The following TBL1X variants were observed in gnomAD, a reference collection of about 807,000 sequenced individuals.
TBL1X encodes transducin beta like 1 X-linked, also known as F-box-like/WD repeat-containing protein TBL1X.
Under a neutral mutation model 50.7 loss-of-function variants are expected in TBL1X, and 10 were observed. The observed-to-expected ratio is 0.20, with a 90% CI of 0.12 to 0.33. The LOEUF (loss-of-function observed/expected upper bound fraction) is 0.33, where lower values mean the gene tolerates loss of function less well. TBL1X is among the 10% of genes least tolerant of loss of function. The pLI is 1.00. For synonymous variants in TBL1X, 190 were observed against 214.7 expected (o/e 0.88, Z 1.01); for missense variants, 340 against 504.4 (o/e 0.67, Z 3.12).
At chrX:9,528,171 C>T (rs765457266) in intron 2 of TBL1X, among the ~76,000 whole-genome samples, 1 of 111,235 alleles carries the variant, frequency 9.0e-6, no homozygotes, top group Non-Finnish European at 1.9e-5. Context: ...GCCCCTGGCA[C>T]CCACCGTTCT....
chrX:9,507,364 C>G (rs1226514469), intron 2 of TBL1X, among the ~76,000 whole-genome samples: 1 of 111,173 alleles, frequency 9.0e-6, no homozygotes, highest in African/African-American at 3.3e-5. Flanking sequence ...GAATAAAATA[C>G]CTAGGAATAC....
At chrX:9,499,979 CAA>C (rs34239377) in intron 1 of TBL1X, among the ~76,000 whole-genome samples, 1 of 91,703 alleles carries the variant, frequency 1.1e-5, no homozygotes. Flanking sequence ...ATCCTGTCTC[CAA>C]AAAAAAAAAA....
chrX:9,495,304 G>A (rs1198151472), intron 1 of TBL1X, among the ~76,000 whole-genome samples: 1 of 111,499 alleles, frequency 9.0e-6, no homozygotes, highest in Non-Finnish European at 1.9e-5. Flanking sequence ...CGGAGGAGCA[G>A]GAGAAATGGT....
intron 3 of TBL1X, among the ~76,000 whole-genome samples, chrX:9,646,234 G>A (rs1199367407): frequency 3.6e-5 from 4 of 111,651 alleles, no homozygotes; most frequent in South Asian, 7.5e-4. Context: ...TTATTTCATC[G>A]TGCTGTCACT....
rs1319032144 is a variant in TBL1X, at chrX:9,719,430, A to G, written c.*3184A>G. ...TTCCGCCATTTAAAAAAAGAAAAAA[A>G]AAAAGCTTATGTTTCTTGTCAAATG... On this transcript the variant is annotated 3_prime_UTR_variant, in exon 18 of 18. Coordinates refer to ENST00000645353, the MANE Select transcript of TBL1X (RefSeq NM_005647.4). The G allele has an allele frequency of 8.9e-6, 1 of 112,135 alleles. No individual in the cohort carries two copies. Among genetic ancestry groups the G allele is most frequent in the African/African-American group, 3.3e-5 (1 of 30,726 alleles). The allele number at this position is 112,135 out of a possible 1,213,427, so 9.2% of individuals were successfully genotyped here.
chrX:9,556,207 AAAC>A (rs2082298242), intron 2 of TBL1X, among the ~76,000 whole-genome samples: 1 of 104,455 alleles, frequency 9.6e-6, no homozygotes, highest in Non-Finnish European at 2.0e-5. Context: ...AAACAAAACA[AAAC>A]AAAAAAAACA....
chrX:9,552,116 A>G (rs182637666), intron 2 of TBL1X, among the ~76,000 whole-genome samples: 21 of 112,273 alleles, frequency 1.9e-4, no homozygotes, highest in African/African-American at 5.5e-4. Context: ...CTTTGGGGCT[A>G]TAAGTCTCGT....
At chrX:9,707,110 G>T (rs1202886864) in intron 13 of TBL1X, among the ~76,000 whole-genome samples, 3 of 111,427 alleles carry the variant, frequency 2.7e-5, no homozygotes, top group African/African-American at 9.8e-5. Flanking sequence ...CTGTGGTGGG[G>T]CAGGGTGGGG....
intron 1 of TBL1X, among the ~76,000 whole-genome samples, chrX:9,482,995 G>A (rs903409815): frequency 9.0e-6 from 1 of 111,162 alleles, no homozygotes; most frequent in African/African-American, 3.3e-5. Flanking sequence ...GAACCCCTCA[G>A]GCGGTTACAG....
chrX:9,537,151 G>A (rs182090938), intron 2 of TBL1X, among the ~76,000 whole-genome samples: 65 of 111,284 alleles, frequency 5.8e-4, no homozygotes, highest in African/African-American at 1.8e-3. Context: ...GGCAGGGAGG[G>A]ATCCAAAGGG....
chrX:9,464,995 G>C (rs1257960850), upstream of TBL1X: 1 of 109,240 alleles, frequency 9.2e-6, no homozygotes, highest in Non-Finnish European at 1.9e-5. Flanking sequence ...CCCCTCCCAC[G>C]GCCGTGAGGG....
intron 5 of TBL1X, among the ~76,000 whole-genome samples, chrX:9,675,849 C>T (rs1346862848): frequency 9.4e-6 from 1 of 106,286 alleles, no homozygotes; most frequent in Non-Finnish European, 1.9e-5. Context: ...CGAGATCATG[C>T]CATTGCACTC....
intron 2 of TBL1X, among the ~76,000 whole-genome samples, chrX:9,513,360 T>TG (rs773119463): frequency 1.0e-4 from 11 of 109,936 alleles, no homozygotes; most frequent in African/African-American, 1.3e-4. Flanking sequence ...TGTACTCCAG[T>TG]GGGGGGGTGC....
intron 2 of TBL1X, among the ~76,000 whole-genome samples, chrX:9,596,810 C>A (rs1179808088): frequency 9.0e-6 from 1 of 111,156 alleles, no homozygotes; most frequent in Non-Finnish European, 1.9e-5. Flanking sequence ...TAGAAGCCAT[C>A]CCCCAACACG....
Position 9,631,218 on chromosome X carries a change from G to T in TBL1X, c.-130-9055G>T, listed in dbSNP as rs375747887. On this transcript the variant is annotated intron_variant, in intron 2 of 17. Transcript: ENST00000645353. ...AAACTCGTGTCATGGGGGGTTTGTT[G>T]TACAGATTATTTTGTCACCCCCAGT... Among the ~76,000 whole-genome samples, 9 of 111,205 alleles carry T rather than the reference G, an allele frequency of 8.1e-5. No individual in the cohort carries two copies. The South Asian group carries it at 3.4e-3, about 42-fold the overall frequency.
Position 9,666,475 on chromosome X carries a change from G to A in TBL1X, c.211+12153G>A, listed in dbSNP as rs771191689. Among the ~76,000 whole-genome samples, 10 of 111,595 alleles carry A rather than the reference G, an allele frequency of 9.0e-5. No homozygotes were observed. In the East Asian group the frequency reaches 2.8e-3, roughly 31 times the overall value. ...AAAAATAGAAACATTAATGCATTTA[G>A]GTCACGTGACTCTAATCTTTGAAAA... On this transcript the variant is annotated intron_variant, in intron 5 of 17. Transcript: ENST00000645353.
At chrX:9,496,840 G>A (rs905905224) in intron 1 of TBL1X, among the ~76,000 whole-genome samples, 1 of 111,746 alleles carries the variant, frequency 8.9e-6, no homozygotes, top group African/African-American at 3.3e-5. Context: ...GAGGACGGTG[G>A]TTGTCTGTCT....
chrX:9,622,490 C>T (rs1286399102), intron 2 of TBL1X, among the ~76,000 whole-genome samples: 1 of 111,393 alleles, frequency 9.0e-6, no homozygotes. Flanking sequence ...AAGTCTCACT[C>T]TATCACCCAG....
chrX:9,676,592 C>A (rs2082995683), intron 5 of TBL1X, among the ~76,000 whole-genome samples: 1 of 111,976 alleles, frequency 8.9e-6, no homozygotes, highest in Non-Finnish European at 1.9e-5. Flanking sequence ...TTTTGGACGC[C>A]GTCCGAGGCA....
Sources: gnomAD v4.1 joint callset for allele counts (sites outside exome capture counted in the v4.1 genomes callset) on GRCh38, gnomAD v4.1.1 for gene constraint, MANE v1.5 for transcripts, NCBI Gene and HGNC (gene_info 2026-07-23, HGNC 2026-07-21) for gene names.